RER1: variants seen among roughly 807,000 people sequenced by gnomAD.
RER1 encodes protein RER1.
A neutral mutation model predicts 28.3 loss-of-function variants in RER1; 6 were observed. That is an observed-to-expected ratio of 0.21 (90% CI 0.12 to 0.42). The LOEUF is 0.42. Among genes scored for constraint, RER1 ranks in the 10% least tolerant of loss-of-function variants. RER1 has a pLI of 1.00. For synonymous variants in RER1, 110 were observed against 95.9 expected (o/e 1.15, Z -0.86); for missense variants, 159 against 252.9 (o/e 0.63, Z 2.52).
rs150136015 is a variant in RER1 at position 2,405,123 on chromosome 1, G to A, written c.*1999G>A. ...TGCAGATTTCTGTTTTCTAAAACTG[G>A]AAGCGACCTTGACGTGTATTGAAGG... On this transcript the variant is annotated 3_prime_UTR_variant, in exon 7 of 7. Transcript: ENST00000605895. 290 of 160,804 alleles carry A rather than the reference G, an allele frequency of 1.8e-3. 6 individuals carry two copies. Among genetic ancestry groups the A allele is most frequent in the East Asian group, 6.1e-3 (34 of 5,588 alleles). The allele number at this position is 160,804 out of a possible 1,614,324, so 10.0% of individuals were successfully genotyped here.
intron 1 of RER1, among the ~76,000 whole-genome samples, chr1:2,393,674 A>T (rs907220868): frequency 6.6e-6 from 1 of 152,204 alleles, no homozygotes; most frequent in Non-Finnish European, 1.5e-5. Context: ...AGCCTGTCCT[A>T]GTCACACTGG....
At chr1:2,393,853 G>A (rs757338548) in intron 1 of RER1, among the ~76,000 whole-genome samples, 1 of 152,188 alleles carries the variant, frequency 6.6e-6, no homozygotes, top group Non-Finnish European at 1.5e-5. Flanking sequence ...TGTCAGACAA[G>A]CAGGATTGGC....
intron 1 of RER1, among the ~76,000 whole-genome samples, chr1:2,392,975 C>T (rs1238342332): frequency 1.3e-5 from 2 of 152,252 alleles, no homozygotes; most frequent in African/African-American, 2.4e-5. Flanking sequence ...TTCTTAGTCC[C>T]GGAGGAATTG....
chr1:2,395,404 C>T, intron 1 of RER1: 1 of 270,862 alleles, frequency 3.7e-6, no homozygotes, highest in South Asian at 4.2e-5. Context: ...CTGAGGGATC[C>T]ACAGAGGGTG....
At chr1:2,402,583 C>T (rs2494602) in intron 6 of RER1, among the ~76,000 whole-genome samples, 1,718 of 152,190 alleles carry the variant, frequency 0.011, 24 homozygotes, top group African/African-American at 0.04. Flanking sequence ...TTGTGGAAGC[C>T]GGGTGGGAGA....
rs1642963423 is a variant in RER1, at chr1:2,405,332, GT to G, written c.*2209del. 1 of 331,156 alleles carries G rather than the reference GT, an allele frequency of 3.0e-6. No homozygotes were observed. Among genetic ancestry groups the G allele is most frequent in the Non-Finnish European group, 5.9e-6 (1 of 170,364 alleles). 20.5% of individuals were successfully genotyped at this position (331,156 alleles called of 1,614,324 possible). ...TGGCTGAAGCAACCCGCCAGCCTCC[GT>G]GCCCCACCCCACCCAGCACGCACTC... On this transcript the variant is annotated 3_prime_UTR_variant, in exon 7 of 7. Coordinates refer to ENST00000605895, the MANE Select transcript of RER1 (RefSeq NM_007033.5).
At position 2,396,032 on chromosome 1, in the gene RER1, A is replaced by G. The variant is rs1642763454; in HGVS notation, c.81+161A>G. On this transcript the variant is annotated intron_variant, in intron 2 of 6. Transcript: ENST00000605895. ...AGCGTTCTCTTCACTGTGAAGGGCC[A>G]GCTGTGGAGAGATCGGGCTCTGGGG... 3.3e-5 allele frequency: 21 copies of G among 639,402 alleles called. No homozygotes were observed. The South Asian group carries it at 3.8e-4, about 12-fold the overall frequency. 39.6% of individuals were successfully genotyped at this position (639,402 alleles called of 1,614,324 possible). A position where few individuals can be genotyped will look rare whatever the true frequency, so the allele number is the denominator to read the frequency against.
At chr1:2,400,551 C>T (rs1175383318) in intron 4 of RER1, among the ~76,000 whole-genome samples, 1 of 152,202 alleles carries the variant, frequency 6.6e-6, no homozygotes, top group Non-Finnish European at 1.5e-5. Context: ...GTTAATTTGC[C>T]TTTGTTTTCT....
chr1:2,400,903 C>T lies in RER1; in HGVS notation c.333C>T (p.Pro111=), dbSNP rs1461773440. The T allele has an allele frequency of 6.2e-7, 1 of 1,614,124 alleles. No homozygotes were observed. The change falls in exon 5 of 7, where the codon CCC becomes CCT. Residue 111 remains proline (P), a synonymous_variant. Coordinates refer to ENST00000605895, the MANE Select transcript of RER1 (RefSeq NM_007033.5). ...LPTKQNEEFR[P]FIRRLPEFKF... ...CCAAACAGAACGAGGAATTCCGCCCCTTCATTCGAAGGCTCCCAGAGTTTA... is the reference window on the plus strand; with the variant it reads ...CCAAACAGAACGAGGAATTCCGCCCTTTCATTCGAAGGCTCCCAGAGTTTA...
In RER1 at chr1:2,403,078, G is replaced by C. The variant is rs1642896820; in HGVS notation, c.545G>C (p.Arg182Thr). Reference sequence around the variant, plus strand: ...TACATCCCGTTCACACATGGGAAGAGAAGGTACAGAGGCAAGGAGGATGCC... The same window carrying C: ...TACATCCCGTTCACACATGGGAAGACAAGGTACAGAGGCAAGGAGGATGCC... ...YRYIPFTHGK[R>T]RYRGKEDAGK... Residue 182 changes from arginine (R) to threonine (T), a missense_variant, in exon 7 of 7, where the codon AGA becomes ACA. Arg to Thr is a moderately conservative substitution (Grantham distance 71). Coordinates refer to ENST00000605895, the MANE Select transcript of RER1 (RefSeq NM_007033.5). 1.9e-6 allele frequency: 3 copies of C among 1,614,210 alleles called. No individual in the cohort carries two copies. In the East Asian group the frequency reaches 6.7e-5, roughly 36 times the overall value.
In RER1 at chr1:2,405,245, C is replaced by G; in HGVS notation, c.*2121C>G. On this transcript the variant is annotated 3_prime_UTR_variant, in exon 7 of 7. Coordinates refer to ENST00000605895, the MANE Select transcript of RER1 (RefSeq NM_007033.5). ...GTCCTGGGGGATGTGCTCTGCCCAG[C>G]CGCCCTCGGGGAGAGCAGCGCCGCC... is the stretch of plus-strand genomic sequence containing the variant. The G allele has an allele frequency of 3.8e-6, 1 of 260,426 alleles. No homozygotes were observed. The highest frequency in any genetic ancestry group is 7.5e-6 in the Non-Finnish European group (1 of 132,842). 16.1% of individuals were successfully genotyped at this position (260,426 alleles called of 1,614,324 possible).
In RER1 at chr1:2,405,264, C is replaced by T. The variant is rs1053758295; in HGVS notation, c.*2140C>T. Reference sequence around the variant, plus strand: ...GCCCAGCCGCCCTCGGGGAGAGCAGCGCCGCCTCCCATGGGGCCGTGGGGC... The same window carrying T: ...GCCCAGCCGCCCTCGGGGAGAGCAGTGCCGCCTCCCATGGGGCCGTGGGGC... On this transcript the variant is annotated 3_prime_UTR_variant, in exon 7 of 7. Coordinates refer to ENST00000605895, the MANE Select transcript of RER1 (RefSeq NM_007033.5). 2.5e-5 allele frequency: 7 copies of T among 283,400 alleles called. No individual in the cohort carries two copies. Among genetic ancestry groups the T allele is most frequent in the Non-Finnish European group, 4.8e-5 (7 of 145,746 alleles). The allele number at this position is 283,400 out of a possible 1,614,324, so 17.6% of individuals were successfully genotyped here.
At chr1:2,401,474 C>T (rs996042775) in intron 5 of RER1, among the ~76,000 whole-genome samples, 1 of 140,436 alleles carries the variant, frequency 7.1e-6, no homozygotes, top group Non-Finnish European at 1.5e-5. Context: ...AGGGACTAGC[C>T]TTCTCCTGGA....
intron 4 of RER1, among the ~76,000 whole-genome samples, chr1:2,399,885 A>G (rs1012600331): frequency 3.9e-5 from 6 of 152,170 alleles, no homozygotes; most frequent in African/African-American, 1.4e-4. Context: ...TGACGAGGTT[A>G]CCTTTTCCCG....
At chr1:2,394,264 C>T (rs1034607479) in intron 1 of RER1, 1 of 152,244 alleles carries the variant, frequency 6.6e-6, no homozygotes, top group Non-Finnish European at 1.5e-5. Flanking sequence ...TGGCACTCTG[C>T]ACAGAGGATC....
chr1:2,402,366 C>T (rs371996985), intron 6 of RER1, 24 bp downstream of exon 6: 12 of 1,613,606 alleles, frequency 7.4e-6, no homozygotes, highest in East Asian at 6.7e-5. Flanking sequence ...GCTGCCGCCA[C>T]GCCGGCCGCA....
At chr1:2,398,323 C>T (rs1642798625) in intron 3 of RER1, among the ~76,000 whole-genome samples, 1 of 152,218 alleles carries the variant, frequency 6.6e-6, no homozygotes, top group Admixed American at 6.5e-5. Context: ...GGCGTTCAGC[C>T]GTCTGACTGG....
chr1:2,399,943 C>T (rs1642821765), intron 4 of RER1, among the ~76,000 whole-genome samples: 1 of 152,188 alleles, frequency 6.6e-6, no homozygotes, highest in Non-Finnish European at 1.5e-5. Context: ...CAGAGACCGC[C>T]GGGACTCTAA....
At position 2,399,028 on chromosome 1, in the gene RER1, C is replaced by G. The variant is rs576342974; in HGVS notation, c.187-387C>G. Among the ~76,000 whole-genome samples, 5 of 152,302 alleles carry G rather than the reference C, an allele frequency of 3.3e-5. 1 individual carries two copies. The South Asian group carries it at 1.0e-3, about 32-fold the overall frequency. On this transcript the variant is annotated intron_variant, in intron 3 of 6. Coordinates refer to ENST00000605895, the MANE Select transcript of RER1 (RefSeq NM_007033.5). Reference sequence around the variant, plus strand: ...AGCTGCTCCTGGGTGGGGCTCTGGGCCAGCATCGCTCAGGTGCCCGGGCCA... The same window carrying G: ...AGCTGCTCCTGGGTGGGGCTCTGGGGCAGCATCGCTCAGGTGCCCGGGCCA...
Sources: gnomAD v4.1 joint callset for allele counts (sites outside exome capture counted in the v4.1 genomes callset) on GRCh38, gnomAD v4.1.1 for gene constraint, MANE v1.5 for transcripts, NCBI Gene and HGNC (gene_info 2026-07-23, HGNC 2026-07-21) for gene names.